Variants in TBX18 observed in about 807,000 individuals in gnomAD.
The protein encoded by TBX18 is T-box transcription factor TBX18.
In TBX18, 21 loss-of-function variants were observed where a neutral mutation model predicts 55.0. The observed-to-expected ratio is 0.38, with a 90% CI of 0.27 to 0.55. TBX18 has a LOEUF of 0.55. Ranked by LOEUF, TBX18 falls within the 20% of genes least tolerant of loss-of-function variation. The probability of loss-of-function intolerance (pLI) is 0.73; values close to 1 mark genes in which losing one functional copy is unlikely to be tolerated. For synonymous variants in TBX18, 342 were observed against 326.1 expected (o/e 1.05, Z -0.53); for missense variants, 840 against 799.6 (o/e 1.05, Z -0.61).
chr6:84,760,604 T>C (rs1030870775), intron 2 of TBX18, among the ~76,000 whole-genome samples: 1 of 152,172 alleles, frequency 6.6e-6, no homozygotes. Flanking sequence ...TAGCTAAAAG[T>C]AAAATAATTT....
chr6:84,763,102 G>GAGGA (rs1300431424), intron 1 of TBX18: 2 of 411,596 alleles, frequency 4.9e-6, no homozygotes, highest in South Asian at 2.2e-5. Flanking sequence ...GACGGAGTCA[G>GAGGA]AGGAGCTCCC....
At chr6:84,744,235 C>A (rs1411954508) in intron 6 of TBX18, 26 bp downstream of exon 6, 1 of 1,587,052 alleles carries the variant, frequency 6.3e-7, no homozygotes, top group South Asian at 1.2e-5. Flanking sequence ...TTTATCATAA[C>A]CGGAATGGTC....
chr6:84,737,122 T>C lies in TBX18; in HGVS notation c.1387A>G (p.Ser463Gly), dbSNP rs1461362886. 9 of 1,614,204 alleles carry C rather than the reference T, an allele frequency of 5.6e-6. No individual in the cohort carries two copies. Among genetic ancestry groups the C allele is most frequent in the Non-Finnish European group, 7.6e-6 (9 of 1,180,030 alleles). ...CCCATGGACATGTTCACGGAGGTGCTGCTGCTCACGCCCACATAGGAGGGA... is the reference window on the plus strand; with the variant it reads ...CCCATGGACATGTTCACGGAGGTGCCGCTGCTCACGCCCACATAGGAGGGA... ...RTPSYVGVSS[S>G]TSVNMSMGGT... Residue 463 changes from serine (S) to glycine (G), a missense_variant, in exon 8 of 8, where the codon AGC (serine) becomes GGC (glycine). Coordinates refer to ENST00000369663, the MANE Select transcript of TBX18 (RefSeq NM_001080508.3).
chr6:84,739,711 C>G (rs1766997131), intron 6 of TBX18, among the ~76,000 whole-genome samples: 1 of 152,116 alleles, frequency 6.6e-6, no homozygotes, highest in Non-Finnish European at 1.5e-5. Flanking sequence ...CCCTGCGCCC[C>G]AAGTCATAAC....
In TBX18 at chr6:84,763,886, T is replaced by C. The variant is rs1333740992; in HGVS notation, c.292+4A>G. On this transcript the variant is annotated splice_donor_region_variant and intron_variant, in intron 1 of 7. Transcript: ENST00000369663. ...AAGTTATAGGCAGGAAGGGGCCCAC[T>C]CACCCGCGGCTCCGCGCTCCAGGTC... 1.3e-6 allele frequency: 2 copies of C among 1,499,366 alleles called. No homozygotes were observed. Among genetic ancestry groups the C allele is most frequent in the Non-Finnish European group, 1.8e-6 (2 of 1,134,022 alleles). 92.9% of individuals were successfully genotyped at this position (1,499,366 alleles called of 1,614,324 possible). A position where few individuals can be genotyped will look rare whatever the true frequency, so the allele number is the denominator to read the frequency against.
intron 5 of TBX18, 89 bp downstream of exon 5, chr6:84,747,831 T>C (rs1767236901): frequency 8.1e-7 from 1 of 1,227,370 alleles, no homozygotes; most frequent in Non-Finnish European, 1.1e-6. Context: ...GCTTTATAAT[T>C]CATAATATTT....
chr6:84,762,473 T>C (rs1456282932), intron 2 of TBX18, 71 bp downstream of exon 2: 21 of 1,565,570 alleles, frequency 1.3e-5, no homozygotes, highest in East Asian at 2.2e-5. Flanking sequence ...CCCTTCTTCC[T>C]GATTGAGCTA....
At chr6:84,762,112 C>G (rs1032492203) in intron 2 of TBX18, among the ~76,000 whole-genome samples, 5 of 149,942 alleles carry the variant, frequency 3.3e-5, no homozygotes, top group Non-Finnish European at 5.9e-5. Context: ...TCTGAAAAAG[C>G]AAATCATAGT....
intron 2 of TBX18, 22 bp downstream of exon 2, chr6:84,762,522 T>TCCAC: frequency 6.2e-7 from 1 of 1,613,728 alleles, no homozygotes; most frequent in Non-Finnish European, 8.5e-7. Context: ...GGGAGGGGCG[T>TCCAC]CCACGCCAGC....
At chr6:84,760,668 C>G (rs867900633) in intron 2 of TBX18, among the ~76,000 whole-genome samples, 7 of 151,956 alleles carry the variant, frequency 4.6e-5, no homozygotes, top group Non-Finnish European at 1.0e-4. Flanking sequence ...TAAACAAAAT[C>G]GATAAGCATA....
intron 4 of TBX18, among the ~76,000 whole-genome samples, chr6:84,755,308 G>A (rs1337547107): frequency 1.3e-5 from 2 of 152,142 alleles, no homozygotes; most frequent in East Asian, 3.8e-4. Flanking sequence ...TCTCTTTAGA[G>A]CATACATTCT....
At chr6:84,746,882 A>G (rs1002993913) in intron 5 of TBX18, among the ~76,000 whole-genome samples, 3 of 151,134 alleles carry the variant, frequency 2.0e-5, no homozygotes, top group Non-Finnish European at 4.4e-5. Context: ...TAATAAATAT[A>G]TTATCTATGG....
intron 5 of TBX18, 145 bp downstream of exon 5, chr6:84,747,775 A>G: frequency 1.6e-6 from 1 of 639,822 alleles, no homozygotes; most frequent in East Asian, 3.1e-5. Context: ...ATGGATAAAG[A>G]ACTGTTATTC....
chr6:84,755,922 G>A (rs1231472278), intron 4 of TBX18, among the ~76,000 whole-genome samples: 1 of 152,140 alleles, frequency 6.6e-6, no homozygotes, highest in African/African-American at 2.4e-5. Flanking sequence ...AAATAAACAA[G>A]TTGGTATTTC....
chr6:84,737,114 G>C lies in TBX18; in HGVS notation c.1395C>G (p.Ser465=). The C allele has an allele frequency of 6.2e-7, 1 of 1,614,186 alleles. No individual in the cohort carries two copies. Among genetic ancestry groups the C allele is most frequent in the South Asian group, 1.1e-5 (1 of 91,086 alleles). The change falls in exon 8 of 8, where the codon TCC becomes TCG. Residue 465 remains serine (S), a synonymous_variant. Transcript: ENST00000369663. ...PSYVGVSSST[S]VNMSMGGTDG... ...CAGTGCCACCCATGGACATGTTCAC[G>C]GAGGTGCTGCTGCTCACGCCCACAT...
intron 4 of TBX18, among the ~76,000 whole-genome samples, chr6:84,751,882 A>G (rs1767358487): frequency 6.6e-6 from 1 of 152,204 alleles, no homozygotes; most frequent in Non-Finnish European, 1.5e-5. Flanking sequence ...ATTATTAACT[A>G]CCAAACTTAC....
chr6:84,759,523 C>A (rs1347897020), intron 3 of TBX18, among the ~76,000 whole-genome samples: 2 of 150,974 alleles, frequency 1.3e-5, no homozygotes, highest in Non-Finnish European at 2.9e-5. Context: ...AGCATTGTCA[C>A]TGAAAATTGC....
chr6:84,743,227 G>A (rs539992527), intron 6 of TBX18, among the ~76,000 whole-genome samples: 165 of 152,212 alleles, frequency 1.1e-3, no homozygotes, highest in African/African-American at 3.7e-3. Flanking sequence ...CTCATGTTGC[G>A]TGGTGTTTCA....
intron 5 of TBX18, 67 bp from the exon 6 acceptor site, chr6:84,744,392 A>G (rs773569282): frequency 1.5e-5 from 21 of 1,402,950 alleles, no homozygotes; most frequent in Non-Finnish European, 2.1e-5. Context: ...CTTGGTTGCA[A>G]AACTACAATG....
Sources: gnomAD v4.1 joint callset for allele counts (sites outside exome capture counted in the v4.1 genomes callset) on GRCh38, gnomAD v4.1.1 for gene constraint, MANE v1.5 for transcripts, NCBI Gene and HGNC (gene_info 2026-07-23, HGNC 2026-07-21) for gene names.